UTP20: variants seen among roughly 807,000 people sequenced by gnomAD.
The protein encoded by UTP20 is UTP20 small subunit processome component.
Under a neutral mutation model 329.5 loss-of-function variants are expected in UTP20, and 164 were observed. The observed-to-expected ratio is 0.50, with a 90% CI of 0.44 to 0.57. The LOEUF is 0.57. Ranked by LOEUF, UTP20 falls within the 20% of genes least tolerant of loss-of-function variation. The pLI, the probability that UTP20 is intolerant of heterozygous loss-of-function variation, is 0.00. For missense variants in UTP20, 3,055 were observed against 3,284.2 expected, an observed-to-expected ratio of 0.93 and a Z score of 1.71; for synonymous variants, 1,151 against 1,159.3, an observed-to-expected ratio of 0.99 and a Z score of 0.14.
chr12:101,326,928 G>A (rs1037263065), intron 25 of UTP20, 153 bp from the exon 26 acceptor site: 2 of 805,982 alleles, frequency 2.5e-6, no homozygotes, highest in African/African-American at 3.5e-5. Flanking sequence ...TTCATTGTCT[G>A]TGTTAAATAT....
At chr12:101,337,152 T>C (rs1265915046) in intron 29 of UTP20, among the ~76,000 whole-genome samples, 7 of 152,186 alleles carry the variant, frequency 4.6e-5, no homozygotes, top group Admixed American at 3.9e-4. Flanking sequence ...ACCTACTTCA[T>C]TGATAATAGA....
chr12:101,322,836 A>C (rs1868416445), intron 25 of UTP20, among the ~76,000 whole-genome samples: 1 of 152,244 alleles, frequency 6.6e-6, no homozygotes. Context: ...GTGAATATAC[A>C]AAATTACAGT....
chr12:101,352,998 TG>T (rs760180416), intron 39 of UTP20, 48 bp from the exon 40 acceptor site: 12 of 1,155,620 alleles, frequency 1.0e-5, no homozygotes, highest in Admixed American at 6.7e-5. Flanking sequence ...TATAATCCAG[TG>T]ATATTAATAA....
At chr12:101,320,093 G>T (rs1162489254) in intron 23 of UTP20, among the ~76,000 whole-genome samples, 1 of 152,154 alleles carries the variant, frequency 6.6e-6, no homozygotes, top group African/African-American at 2.4e-5. Flanking sequence ...TATCAGAAAT[G>T]AAGTAAGCAT....
intron 19 of UTP20, 53 bp from the exon 20 acceptor site, chr12:101,311,666 T>A: frequency 6.9e-7 from 1 of 1,454,430 alleles, no homozygotes; most frequent in Non-Finnish European, 9.4e-7. Context: ...CTATGAGCAA[T>A]CTTAAAATGG....
chr12:101,371,277 T>C, intron 51 of UTP20, 109 bp downstream of exon 51: 2 of 816,922 alleles, frequency 2.4e-6, no homozygotes, highest in East Asian at 2.9e-5. Flanking sequence ...GTCGTATTGT[T>C]GCTTTATGCT....
At chr12:101,371,920 C>G (rs545559458) in intron 51 of UTP20, among the ~76,000 whole-genome samples, 2 of 152,192 alleles carry the variant, frequency 1.3e-5, no homozygotes, top group Middle Eastern at 3.4e-3. Flanking sequence ...ATCTGTCAAT[C>G]TCTAATTTTA....
At position 101,361,914 on chromosome 12, in the gene UTP20, A is replaced by G. The variant is rs770008335; in HGVS notation, c.5692-48A>G. 6 of 1,415,252 alleles carry G rather than the reference A, an allele frequency of 4.2e-6. No homozygotes were observed. The South Asian group carries it at 4.6e-5, about 11-fold the overall frequency. The allele number at this position is 1,415,252 out of a possible 1,614,324, so 87.7% of individuals were successfully genotyped here. ...TGCTTCCTAGATCTTATGTTTTCCTAGTGTGACATTGTTAATATTCATGTT... is the reference window on the plus strand; with the variant it reads ...TGCTTCCTAGATCTTATGTTTTCCTGGTGTGACATTGTTAATATTCATGTT... On this transcript the variant is annotated intron_variant, in intron 43 of 61. Transcript: ENST00000261637.
intron 11 of UTP20, among the ~76,000 whole-genome samples, chr12:101,293,450 C>T (rs928842075): frequency 4.0e-5 from 6 of 151,756 alleles, no homozygotes; most frequent in Admixed American, 1.3e-4. Context: ...GTTACAGAAC[C>T]GTGTGGTAAA....
At chr12:101,298,401 G>T (rs1165272303) in intron 12 of UTP20, among the ~76,000 whole-genome samples, 1 of 152,144 alleles carries the variant, frequency 6.6e-6, no homozygotes, top group African/African-American at 2.4e-5. Context: ...AGATCTCAGT[G>T]AGAGACTCTC....
At position 101,290,727 on chromosome 12, in the gene UTP20, C is replaced by G. The variant is rs150838211; in HGVS notation, c.736-6C>G. ...ATATTAATGTTAATGACTTGTATTC[C>G]CACAGGCAGTGAAGCTAATTTTGCG... On this transcript the variant is annotated splice_polypyrimidine_tract_variant and splice_region_variant and intron_variant, in intron 7 of 61. Transcript: ENST00000261637. 7.3e-4 allele frequency: 1,175 copies of G among 1,602,042 alleles called. 6 individuals are homozygous for G. The African/African-American group carries it at 0.014, about 19-fold the overall frequency.
chr12:101,344,590 TGCAG>T lies in UTP20; in HGVS notation c.4450-4_4450-1del, dbSNP rs1404910950. The T allele has an allele frequency of 1.1e-6, 1 of 923,612 alleles. No homozygotes were observed. The highest frequency in any genetic ancestry group is 1.3e-5 in the South Asian group (1 of 77,074). 57.2% of individuals were successfully genotyped at this position (923,612 alleles called of 1,614,324 possible). A position where few individuals can be genotyped will look rare whatever the true frequency, so the allele number is the denominator to read the frequency against. ...TAATTTCTTTTTTATTTCTCTTTTT[TGCAG>T]TTAGGAGATATGAGTTTAAGTGATA... On this transcript the variant is annotated splice_acceptor_variant and splice_polypyrimidine_tract_variant and intron_variant, in intron 35 of 61. Transcript: ENST00000261637. LOFTEE classifies it high-confidence loss of function.
chr12:101,368,086 G>A, intron 48 of UTP20, 110 bp downstream of exon 48: 2 of 785,026 alleles, frequency 2.5e-6, no homozygotes, highest in Non-Finnish European at 4.1e-6. Context: ...AGATGATTGA[G>A]GTGTTTTTGT....
chr12:101,285,719 A>G (rs1367053961), intron 3 of UTP20, 30 bp from the exon 4 acceptor site: 1 of 1,613,222 alleles, frequency 6.2e-7, no homozygotes, highest in African/African-American at 1.3e-5. Flanking sequence ...GTGTGATAGA[A>G]AAGAACATAT....
chr12:101,374,714 T>C (rs973226222), intron 54 of UTP20, 94 bp from the exon 55 acceptor site: 2 of 694,870 alleles, frequency 2.9e-6, no homozygotes, highest in African/African-American at 3.5e-5. Context: ...TTTCTCTGAA[T>C]GTTGAGGACA....
At chr12:101,320,345 C>T (rs1873109346) in intron 23 of UTP20, among the ~76,000 whole-genome samples, 1 of 152,062 alleles carries the variant, frequency 6.6e-6, no homozygotes, top group Admixed American at 6.6e-5. Flanking sequence ...CACCTGAGCT[C>T]AGGAGTTCGA....
intron 19 of UTP20, among the ~76,000 whole-genome samples, chr12:101,310,577 C>CAAAAAAAAAA (rs549641642): frequency 0.07 from 3,068 of 43,716 alleles, 307 homozygotes; most frequent in East Asian, 0.12. Flanking sequence ...CTCTGTCTCC[C>CAAAAAAAAAA]AAAAAAAAAA....
intron 11 of UTP20, among the ~76,000 whole-genome samples, chr12:101,293,751 A>G (rs566049320): frequency 4.2e-4 from 64 of 152,226 alleles, no homozygotes; most frequent in African/African-American, 1.4e-3. Context: ...TTAATACTAT[A>G]TATTCTCATT....
chr12:101,383,759 C>A, intron 60 of UTP20, 90 bp downstream of exon 60: 1 of 1,077,832 alleles, frequency 9.3e-7, no homozygotes, highest in Non-Finnish European at 1.2e-6. Flanking sequence ...TCTGTCCTCC[C>A]TCCCTGCCTG....
Sources: allele counts gnomAD v4.1 joint callset (sites outside exome capture counted in the v4.1 genomes callset), GRCh38; gene constraint gnomAD v4.1.1; transcripts MANE v1.5; gene names NCBI Gene and HGNC (gene_info 2026-07-23, HGNC 2026-07-21).